Variants in RNF38 observed in about 807,000 individuals in gnomAD.
RNF38 encodes E3 ubiquitin-protein ligase RNF38.
In RNF38, 15 loss-of-function variants were observed where a neutral mutation model predicts 67.2. The ratio of observed to expected loss-of-function variants is 0.22; its 90% CI spans 0.15 to 0.34. The LOEUF (loss-of-function observed/expected upper bound fraction) is 0.34. Among genes scored for constraint, RNF38 ranks in the 10% least tolerant of loss-of-function variants. The pLI, the probability that RNF38 is intolerant of heterozygous loss-of-function variation, is 1.00. For synonymous variants in RNF38, 220 were observed against 218.8 expected, an observed-to-expected ratio of 1.01 and a Z score of -0.05; for missense variants, 524 against 639.9, an observed-to-expected ratio of 0.82 and a Z score of 1.95.
intron 2 of RNF38, among the ~76,000 whole-genome samples, chr9:36,410,880 G>A (rs1022326121): frequency 6.6e-6 from 1 of 152,160 alleles, no homozygotes; most frequent in Admixed American, 6.5e-5. Context: ...GGCTGGAGGA[G>A]GCAATGAGGA....
chr9:36,373,306 C>T (rs1399643267), intron 3 of RNF38, among the ~76,000 whole-genome samples: 5 of 152,190 alleles, frequency 3.3e-5, no homozygotes, highest in Non-Finnish European at 7.3e-5. Flanking sequence ...CATTATATCA[C>T]AGTAATAGAA....
chr9:36,381,954 T>G (rs1022031066), intron 2 of RNF38, among the ~76,000 whole-genome samples: 1 of 152,238 alleles, frequency 6.6e-6, no homozygotes, highest in Non-Finnish European at 1.5e-5. Flanking sequence ...TTCTCAAACC[T>G]TCATGCTTCA....
At chr9:36,346,708 T>C (rs1833265602) in intron 9 of RNF38, among the ~76,000 whole-genome samples, 1 of 152,192 alleles carries the variant, frequency 6.6e-6, no homozygotes, top group South Asian at 2.1e-4. Flanking sequence ...AACTGTGTGT[T>C]TTATTATGAT....
chr9:36,466,348 G>A (rs1377671959), intron 1 of RNF38, among the ~76,000 whole-genome samples: 2 of 152,152 alleles, frequency 1.3e-5, no homozygotes, highest in East Asian at 3.8e-4. Flanking sequence ...ACACAACTGT[G>A]AATACACCAA....
At chr9:36,487,054 C>G (rs1319878184) in intron 1 of RNF38, among the ~76,000 whole-genome samples, 1 of 152,188 alleles carries the variant, frequency 6.6e-6, no homozygotes, top group Non-Finnish European at 1.5e-5. Flanking sequence ...CCTCCTCCGC[C>G]GAGCAGAGAC....
At chr9:36,431,976 G>A (rs890009091) in intron 1 of RNF38, among the ~76,000 whole-genome samples, 5 of 152,094 alleles carry the variant, frequency 3.3e-5, no homozygotes, top group African/African-American at 1.2e-4. Flanking sequence ...GAAATTCCTA[G>A]GGTTTTAGGA....
intron 1 of RNF38, among the ~76,000 whole-genome samples, chr9:36,472,715 G>C (rs553322150): frequency 8.7e-4 from 133 of 152,176 alleles, no homozygotes; most frequent in Non-Finnish European, 1.6e-3. Flanking sequence ...TTCTTCATCT[G>C]TTTAAGTGCC....
intron 1 of RNF38, among the ~76,000 whole-genome samples, chr9:36,440,281 G>A (rs1284991961): frequency 2.0e-5 from 3 of 152,006 alleles, no homozygotes; most frequent in African/African-American, 4.8e-5. Flanking sequence ...AGTGGCTCAC[G>A]CCTGTAACCT....
In RNF38 at chr9:36,376,048, G is replaced by A; in HGVS notation, c.242C>T (p.Ser81Leu). 1.2e-6 allele frequency: 2 copies of A among 1,613,444 alleles called. No homozygotes were observed. Among genetic ancestry groups the A allele is most frequent in the Non-Finnish European group, 1.7e-6 (2 of 1,179,776 alleles). Residue 81 changes from serine to leucine, a missense_variant, in exon 3 of 12, where the codon TCA becomes TTA. Around this residue, in one of 2 missense-constraint regions of RNF38, gnomAD observed 461 missense variants for 517.4 expected, o/e 0.89. Transcript: ENST00000259605. ...FDYTSASPAP[S>L]PPMRPWEMTS... ...CATCTCCCATGGTCGCATTGGTGGT[G>A]AGGGAGCTGGTGATGCTGATGTATA... is the stretch of plus-strand genomic sequence containing the variant.
At chr9:36,359,044 T>TA (rs1834330541) in intron 4 of RNF38, among the ~76,000 whole-genome samples, 1 of 152,096 alleles carries the variant, frequency 6.6e-6, no homozygotes, top group Non-Finnish European at 1.5e-5. Context: ...AAGGAAGACT[T>TA]AATTTCATCT....
intron 2 of RNF38, among the ~76,000 whole-genome samples, chr9:36,424,234 G>C (rs1838711932): frequency 6.6e-6 from 1 of 152,162 alleles, no homozygotes; most frequent in Admixed American, 6.5e-5. Flanking sequence ...AATGCCAAAA[G>C]TGAACCAAAA....
chr9:36,358,789 C>T (rs1038637697), intron 4 of RNF38, among the ~76,000 whole-genome samples: 2 of 152,126 alleles, frequency 1.3e-5, no homozygotes, highest in African/African-American at 2.4e-5. Context: ...GTGGGCAGAT[C>T]GCTGGAGGTC....
intron 3 of RNF38, among the ~76,000 whole-genome samples, chr9:36,373,797 T>C (rs552650744): frequency 2.0e-5 from 3 of 151,982 alleles, no homozygotes; most frequent in Non-Finnish European, 4.4e-5. Context: ...TTTTTGTTTT[T>C]TGTTTTAAGA....
chr9:36,453,872 G>T (rs191591093), intron 1 of RNF38, among the ~76,000 whole-genome samples: 2 of 152,138 alleles, frequency 1.3e-5, no homozygotes, highest in African/African-American at 4.8e-5. Flanking sequence ...TCATGTACAC[G>T]ATTAGAGATT....
intron 2 of RNF38, among the ~76,000 whole-genome samples, chr9:36,421,433 G>A (rs1229040340): frequency 6.6e-6 from 1 of 151,650 alleles, no homozygotes; most frequent in East Asian, 1.9e-4. Context: ...GGAGGCTGAG[G>A]TGGGAGGATC....
chr9:36,416,648 C>A (rs1472147655), intron 2 of RNF38, among the ~76,000 whole-genome samples: 1 of 151,688 alleles, frequency 6.6e-6, no homozygotes, highest in Non-Finnish European at 1.5e-5. Flanking sequence ...CTAATGGCAG[C>A]CTTTCCCAAG....
chr9:36,468,155 C>T (rs1311404490), intron 1 of RNF38, among the ~76,000 whole-genome samples: 5 of 151,148 alleles, frequency 3.3e-5, no homozygotes, highest in African/African-American at 1.2e-4. Context: ...GGTGGGAAGA[C>T]TGCTTGGGCC....
rs577927438 is a variant in RNF38 at position 36,373,771 on chromosome 9, C to T, written c.356+2163G>A. Among the ~76,000 whole-genome samples, 8 of 151,778 alleles carry T rather than the reference C, an allele frequency of 5.3e-5. No homozygotes were observed. In the South Asian group the frequency reaches 1.0e-3, roughly 20 times the overall value. On this transcript the variant is annotated intron_variant, in intron 3 of 11. Coordinates refer to ENST00000259605, the MANE Select transcript of RNF38 (RefSeq NM_022781.5). ...ATTACACGTTGTCAGCCACCGCACC[C>T]GGCCTTGCTAGCCTTTTTTTGTTTT... is the stretch of plus-strand genomic sequence containing the variant.
intron 11 of RNF38, among the ~76,000 whole-genome samples, chr9:36,341,218 G>A (rs779953526): frequency 1.3e-5 from 2 of 152,026 alleles, no homozygotes; most frequent in African/African-American, 2.4e-5. Context: ...CAGCCACACG[G>A]AACTTGTGGT....
Sources: allele counts gnomAD v4.1 joint callset (sites outside exome capture counted in the v4.1 genomes callset), GRCh38; gene constraint gnomAD v4.1.1; regional missense constraint gnomAD v4.1.1; transcripts MANE v1.5; gene names NCBI Gene and HGNC (gene_info 2026-07-23, HGNC 2026-07-21).